PABPC4L: variants seen among roughly 807,000 people sequenced by gnomAD.
The protein encoded by PABPC4L is polyadenylate-binding protein 4-like.
For synonymous variants in PABPC4L, 169 were observed against 164.1 expected, an observed-to-expected ratio of 1.03 and a Z score of -0.23; for missense variants, 452 against 451.4, an observed-to-expected ratio of 1.00 and a Z score of -0.01.
At chr4:133,983,401 A>G in the PABPC4L span, among the ~76,000 whole-genome samples, 3 of 151,922 alleles carry the variant, frequency 2.0e-5, no homozygotes, top group South Asian at 2.1e-4. Context: ...ATTACTCTAG[A>G]TAGTCATCCA....
At chr4:133,997,335 A>G in the PABPC4L span, among the ~76,000 whole-genome samples, 3 of 152,126 alleles carry the variant, frequency 2.0e-5, no homozygotes, top group African/African-American at 7.2e-5. Flanking sequence ...ATACAAAGGG[A>G]AAGGTTTTTT....
the PABPC4L span, among the ~76,000 whole-genome samples, chr4:134,042,295 TG>T: frequency 6.6e-6 from 1 of 151,886 alleles, no homozygotes; most frequent in Admixed American, 6.6e-5. Flanking sequence ...ACTAGAAGGT[TG>T]GGGGTGGGCA....
chr4:134,087,408 C>T, the PABPC4L span, among the ~76,000 whole-genome samples: 2 of 152,224 alleles, frequency 1.3e-5, no homozygotes, highest in South Asian at 2.1e-4. Flanking sequence ...CACTATTTGG[C>T]TTCTGGGACA....
chr4:134,171,111 CAT>C, the PABPC4L span, among the ~76,000 whole-genome samples: 16 of 151,936 alleles, frequency 1.1e-4, no homozygotes, highest in Non-Finnish European at 8.8e-5. Context: ...AGCATTTTTT[CAT>C]ATGTTTTTGG....
chr4:133,960,403 A>G, the PABPC4L span, among the ~76,000 whole-genome samples: 1 of 152,176 alleles, frequency 6.6e-6, no homozygotes, highest in Admixed American at 6.5e-5. Flanking sequence ...TAGAGGAGCA[A>G]CGGAAAGACC....
chr4:134,136,877 G>A, the PABPC4L span, among the ~76,000 whole-genome samples: 2 of 151,912 alleles, frequency 1.3e-5, no homozygotes, highest in Non-Finnish European at 2.9e-5. Context: ...TTCCCACTGA[G>A]GACAGTTTAT....
chr4:134,154,961 T>C, the PABPC4L span, among the ~76,000 whole-genome samples: 1 of 152,010 alleles, frequency 6.6e-6, no homozygotes, highest in African/African-American at 2.4e-5. Context: ...ATTGTAGATG[T>C]TTTTTCTTTA....
At chr4:134,047,708 C>A in the PABPC4L span, among the ~76,000 whole-genome samples, 2 of 152,000 alleles carry the variant, frequency 1.3e-5, no homozygotes, top group Non-Finnish European at 2.9e-5. Flanking sequence ...GTGGAGTCTG[C>A]CCTCCCGAGG....
At chr4:134,150,751 A>C in the PABPC4L span, among the ~76,000 whole-genome samples, 3 of 152,138 alleles carry the variant, frequency 2.0e-5, no homozygotes, top group Non-Finnish European at 4.4e-5. Context: ...ATTTGTGTTA[A>C]AGTTAGCAAT....
chr4:134,093,104 C>T, the PABPC4L span, among the ~76,000 whole-genome samples: 3 of 150,926 alleles, frequency 2.0e-5, no homozygotes, highest in African/African-American at 7.3e-5. Flanking sequence ...CTCATTCTCC[C>T]ACTTTTCTTG....
chr4:133,985,288 C>T, the PABPC4L span, among the ~76,000 whole-genome samples: 2 of 151,806 alleles, frequency 1.3e-5, no homozygotes, highest in East Asian at 1.9e-4. Flanking sequence ...TATAAAACAC[C>T]TAAGTCACAG....
chr4:134,106,667 G>A, the PABPC4L span, among the ~76,000 whole-genome samples: 42 of 151,622 alleles, frequency 2.8e-4, no homozygotes, highest in African/African-American at 9.9e-4. Flanking sequence ...AATTGGAAAG[G>A]AACTTAGCGA....
At chr4:134,005,482 G>C in the PABPC4L span, among the ~76,000 whole-genome samples, 2 of 151,862 alleles carry the variant, frequency 1.3e-5, no homozygotes, top group African/African-American at 4.8e-5. Context: ...TAATGGATTA[G>C]TATAAGGCAA....
At chr4:134,179,783 C>CAA in the PABPC4L span, among the ~76,000 whole-genome samples, 2 of 147,984 alleles carry the variant, frequency 1.4e-5, no homozygotes, top group African/African-American at 5.0e-5. Context: ...TCAAAAAAGG[C>CAA]AAAAAAAAAT....
the PABPC4L span, among the ~76,000 whole-genome samples, chr4:133,982,250 T>A: frequency 2.0e-5 from 3 of 152,044 alleles, no homozygotes; most frequent in East Asian, 1.9e-4. Context: ...TTTTTAATAG[T>A]GTTACACAAA....
At chr4:134,032,167 T>G in the PABPC4L span, among the ~76,000 whole-genome samples, 1 of 151,846 alleles carries the variant, frequency 6.6e-6, no homozygotes, top group African/African-American at 2.4e-5. Flanking sequence ...GGAACAACCC[T>G]TATTGATACC....
chr4:133,981,759 T>C, the PABPC4L span, among the ~76,000 whole-genome samples: 8 of 151,996 alleles, frequency 5.3e-5, no homozygotes, highest in Admixed American at 2.6e-4. Context: ...GAAATTCTAA[T>C]GTATATCTTT....
At chr4:134,046,049 A>G in the PABPC4L span, among the ~76,000 whole-genome samples, 7 of 152,274 alleles carry the variant, frequency 4.6e-5, no homozygotes, top group African/African-American at 1.2e-4. Context: ...AGAGACTGAG[A>G]AAATAAATAA....
At chr4:133,962,878 G>A in the PABPC4L span, among the ~76,000 whole-genome samples, 4 of 152,118 alleles carry the variant, frequency 2.6e-5, no homozygotes, top group Non-Finnish European at 5.9e-5. Flanking sequence ...ACAAATCCTG[G>A]AAACATGTCA....
Sources: allele counts gnomAD v4.1 joint callset (sites outside exome capture counted in the v4.1 genomes callset), GRCh38; gene constraint gnomAD v4.1.1; transcripts MANE v1.5; gene names NCBI Gene and HGNC (gene_info 2026-07-23, HGNC 2026-07-21).